The following ENTREP2 variants were observed in gnomAD, a reference collection of about 807,000 sequenced individuals.
ENTREP2 encodes the protein endosomal transmembrane epsin interactor 2, also known as protein ENTREP2.
chr15:29,416,983 A>C, the ENTREP2 span, among the ~76,000 whole-genome samples: 1 of 152,226 alleles, frequency 6.6e-6, no homozygotes, highest in African/African-American at 2.4e-5. Flanking sequence ...ATCATTAAAA[A>C]GTCAGGAAAC....
chr15:29,494,224 C>T, the ENTREP2 span, among the ~76,000 whole-genome samples: 9 of 150,332 alleles, frequency 6.0e-5, no homozygotes, highest in Middle Eastern at 3.5e-3. Flanking sequence ...ACTTTAAAAA[C>T]GCTTTCCAAT....
the ENTREP2 span, among the ~76,000 whole-genome samples, chr15:29,378,683 T>C: frequency 1.4e-4 from 22 of 152,260 alleles, no homozygotes; most frequent in African/African-American, 4.6e-4. Context: ...GACTTTCGAA[T>C]TGCCCGTTCC....
the ENTREP2 span, among the ~76,000 whole-genome samples, chr15:29,420,652 A>G: frequency 2.0e-5 from 3 of 150,428 alleles, no homozygotes; most frequent in African/African-American, 7.2e-5. Context: ...TGAAGAAATA[A>G]ACAACCTAGA....
chr15:29,666,699 C>T, the ENTREP2 span, among the ~76,000 whole-genome samples: 1 of 152,174 alleles, frequency 6.6e-6, no homozygotes, highest in Non-Finnish European at 1.5e-5. Context: ...TTGTTATGTC[C>T]TCTGCCAAGA....
At chr15:29,136,481 G>A in the ENTREP2 span, 1 of 1,548,566 alleles carries the variant, frequency 6.5e-7, no homozygotes. Context: ...TGGAGACGGA[G>A]CAAAGTCCAG....
the ENTREP2 span, among the ~76,000 whole-genome samples, chr15:29,360,504 T>C: frequency 6.6e-6 from 1 of 152,218 alleles, no homozygotes; most frequent in Non-Finnish European, 1.5e-5. Context: ...AATTTTGATA[T>C]CTGTACAAAC....
chr15:29,309,830 A>G, the ENTREP2 span, among the ~76,000 whole-genome samples: 4 of 151,680 alleles, frequency 2.6e-5, no homozygotes, highest in Non-Finnish European at 5.9e-5. Context: ...CCTATCCCAT[A>G]GGACGACTGT....
chr15:29,335,331 G>A, the ENTREP2 span, among the ~76,000 whole-genome samples: 3 of 152,194 alleles, frequency 2.0e-5, no homozygotes, highest in African/African-American at 7.2e-5. Context: ...CAGGACTAAT[G>A]TATCTTCCCA....
the ENTREP2 span, among the ~76,000 whole-genome samples, chr15:29,175,597 G>A: frequency 3.0e-4 from 45 of 152,142 alleles, no homozygotes; most frequent in African/African-American, 1.0e-3. Context: ...GCTGATGTTT[G>A]TCCATCTCTC....
chr15:29,316,293 A>T, the ENTREP2 span, among the ~76,000 whole-genome samples: 2 of 152,142 alleles, frequency 1.3e-5, no homozygotes, highest in Non-Finnish European at 2.9e-5. Context: ...GATAATCAAG[A>T]GACATGGGAG....
chr15:29,642,642 T>C, the ENTREP2 span, among the ~76,000 whole-genome samples: 6,976 of 151,298 alleles, frequency 0.046, 186 homozygotes, highest in South Asian at 0.065. Context: ...GAGACGGTGT[T>C]TTGCTCTGTC....
chr15:29,534,812 C>T, the ENTREP2 span, among the ~76,000 whole-genome samples: 1 of 152,162 alleles, frequency 6.6e-6, no homozygotes, highest in Admixed American at 6.5e-5. Context: ...CTGGCCAAGA[C>T]AAAAATAAGA....
the ENTREP2 span, among the ~76,000 whole-genome samples, chr15:29,392,580 A>G: frequency 6.6e-6 from 1 of 152,084 alleles, no homozygotes; most frequent in African/African-American, 2.4e-5. Flanking sequence ...CTCATTCTCT[A>G]AAGACTTTTG....
chr15:29,257,799 A>T, the ENTREP2 span, among the ~76,000 whole-genome samples: 1 of 152,242 alleles, frequency 6.6e-6, no homozygotes, highest in Non-Finnish European at 1.5e-5. Flanking sequence ...AGAATTCATA[A>T]GAGGATATTT....
At chr15:29,268,500 A>G in the ENTREP2 span, 8 of 369,382 alleles carry the variant, frequency 2.2e-5, no homozygotes, top group Non-Finnish European at 3.4e-5. Context: ...TTCTTGCATT[A>G]TCTGTTCCAG....
the ENTREP2 span, among the ~76,000 whole-genome samples, chr15:29,634,203 CAGG>C: frequency 6.6e-6 from 1 of 152,088 alleles, no homozygotes; most frequent in Non-Finnish European, 1.5e-5. Context: ...GTTCGGTGTG[CAGG>C]AGGATTAGCC....
the ENTREP2 span, among the ~76,000 whole-genome samples, chr15:29,119,251 T>G: frequency 6.6e-6 from 1 of 152,198 alleles, no homozygotes. Context: ...GTATATGCAC[T>G]CGCTCTGAAT....
the ENTREP2 span, among the ~76,000 whole-genome samples, chr15:29,584,253 G>T: frequency 2.0e-5 from 3 of 152,028 alleles, no homozygotes; most frequent in Non-Finnish European, 4.4e-5. Context: ...TTAAAAAGTG[G>T]GCAAAAGATC....
the ENTREP2 span, among the ~76,000 whole-genome samples, chr15:29,254,172 A>AT: frequency 1.4e-5 from 2 of 147,654 alleles, no homozygotes; most frequent in African/African-American, 5.1e-5. Context: ...AAAAAAAAAA[A>AT]AAAAAAAAAA....
Sources: gnomAD v4.1 joint callset for allele counts (sites outside exome capture counted in the v4.1 genomes callset) on GRCh38, gnomAD v4.1.1 for gene constraint, MANE v1.5 for transcripts, NCBI Gene and HGNC (gene_info 2026-07-23, HGNC 2026-07-21) for gene names.